HIVEP3: variants seen among roughly 807,000 people sequenced by gnomAD.
The protein encoded by HIVEP3 is HIVEP zinc finger 3.
Under a neutral mutation model 152.8 loss-of-function variants are expected in HIVEP3, and 49 were observed. The observed-to-expected ratio is 0.32, with a 90% CI of 0.26 to 0.41. HIVEP3 has a LOEUF of 0.41. Among genes scored for constraint, HIVEP3 ranks in the 10% least tolerant of loss-of-function variants. The pLI, the probability that HIVEP3 is intolerant of heterozygous loss-of-function variation, is 1.00. For missense variants in HIVEP3, 2,790 were observed against 3,103.3 expected (o/e 0.90, Z 2.40); for synonymous variants, 1,269 against 1,289.0 (o/e 0.98, Z 0.33).
chr1:42,026,014 G>A (rs1320987168), intron 1 of HIVEP3, among the ~76,000 whole-genome samples: 2 of 151,822 alleles, frequency 1.3e-5, no homozygotes, highest in Non-Finnish European at 2.9e-5. Context: ...AAGCTGCAGT[G>A]AGCCGTGATC....
At chr1:41,704,128 C>T (rs1201710056) in intron 1 of HIVEP3, among the ~76,000 whole-genome samples, 1 of 152,194 alleles carries the variant, frequency 6.6e-6, no homozygotes, top group Admixed American at 6.5e-5. Flanking sequence ...GGTGAAGCTT[C>T]CTGCACCTGG....
intron 1 of HIVEP3, among the ~76,000 whole-genome samples, chr1:41,756,245 C>T (rs1647301227): frequency 6.6e-6 from 1 of 152,122 alleles, no homozygotes; most frequent in Non-Finnish European, 1.5e-5. Flanking sequence ...AGATAGAGGA[C>T]AAACCAGTGG....
At position 41,954,964 on chromosome 1, in the gene HIVEP3, G is replaced by GTT. The variant is rs5773755; in HGVS notation, n.120-36442_120-36441dup. On this transcript the variant is annotated intron_variant and non_coding_transcript_variant, in intron 1 of 3. Coordinates refer to the HIVEP3 transcript ENST00000489103. The stretch of plus-strand genomic sequence containing the variant: ...TAGGAACCATTTTCTCAGCTTCCAG[G>GTT]TTTTTTTTTTTTTTCTCTAGTGTTT... Among the ~76,000 whole-genome samples the GTT allele has an allele frequency of 3.9e-3, 557 of 144,672 alleles. 3 individuals are homozygous for GTT. The highest frequency in any genetic ancestry group is 0.018 in the Middle Eastern group (5 of 276). The allele number at this position is 144,672 out of a possible 152,430, so 94.9% of individuals were successfully genotyped here. A position where few individuals can be genotyped will look rare whatever the true frequency, so the allele number is the denominator to read the frequency against.
At chr1:41,654,120 CTA>C (rs1216934360) in intron 2 of HIVEP3, among the ~76,000 whole-genome samples, 2 of 152,124 alleles carry the variant, frequency 1.3e-5, no homozygotes, top group East Asian at 1.9e-4. Context: ...ACAAGTAAAA[CTA>C]TGTTTCTGTC....
chr1:41,717,239 C>T (rs1646608462), intron 1 of HIVEP3, among the ~76,000 whole-genome samples: 2 of 151,040 alleles, frequency 1.3e-5, no homozygotes, highest in Admixed American at 1.3e-4. Context: ...CTTGCATTTT[C>T]CGACGCTCTT....
intron 1 of HIVEP3, among the ~76,000 whole-genome samples, chr1:41,929,324 T>C (rs899735436): frequency 1.3e-5 from 2 of 152,158 alleles, no homozygotes; most frequent in Non-Finnish European, 2.9e-5. Flanking sequence ...TCCTTACTTA[T>C]TTTTTTGACC....
intron 1 of HIVEP3, among the ~76,000 whole-genome samples, chr1:41,909,914 T>C (rs1557511841): frequency 6.6e-6 from 1 of 152,088 alleles, no homozygotes; most frequent in Non-Finnish European, 1.5e-5. Context: ...AACCAAATTA[T>C]ATACAAATAT....
intron 1 of HIVEP3, among the ~76,000 whole-genome samples, chr1:41,838,018 C>A (rs564193966): frequency 3.9e-5 from 6 of 152,302 alleles, no homozygotes; most frequent in African/African-American, 1.4e-4. Context: ...TTCCAGCTCT[C>A]CTTTCAGTCC....
intron 2 of HIVEP3, among the ~76,000 whole-genome samples, chr1:41,637,057 A>G (rs2149154329): frequency 6.6e-6 from 1 of 152,282 alleles, no homozygotes; most frequent in Middle Eastern, 3.4e-3. Flanking sequence ...AGGAGTCGTC[A>G]TCAAATACTT....
At chr1:41,798,634 C>T (rs1021210848) in intron 1 of HIVEP3, among the ~76,000 whole-genome samples, 1 of 151,898 alleles carries the variant, frequency 6.6e-6, no homozygotes, top group African/African-American at 2.4e-5. Flanking sequence ...TTTTTCTCCC[C>T]AATTAAAAAA....
chr1:41,983,258 A>G (rs905734522), intron 1 of HIVEP3, among the ~76,000 whole-genome samples: 1 of 152,226 alleles, frequency 6.6e-6, no homozygotes, highest in African/African-American at 2.4e-5. Flanking sequence ...ATTAATATCT[A>G]CTATAAATTT....
At chr1:41,996,180 G>A (rs1011677235) in intron 1 of HIVEP3, among the ~76,000 whole-genome samples, 1 of 151,844 alleles carries the variant, frequency 6.6e-6, no homozygotes, top group African/African-American at 2.4e-5. Context: ...ATCAATTGAG[G>A]CCAGGAGTTC....
At chr1:41,636,495 CA>C (rs535380597) in intron 2 of HIVEP3, among the ~76,000 whole-genome samples, 80 of 151,958 alleles carry the variant, frequency 5.3e-4, no homozygotes, top group African/African-American at 1.5e-3. Flanking sequence ...TTACATAAAA[CA>C]AAAAACCCCA....
In HIVEP3 at chr1:41,579,734, T is replaced by C. The variant is rs1386860830; in HGVS notation, c.5061+3A>G. ...ATGAGAAGAAAAACAAGGCTGAACT[T>C]ACCTCTGTCATGCGGGGCTTGCGGG... is the stretch of plus-strand genomic sequence containing the variant. On this transcript the variant is annotated splice_donor_region_variant and intron_variant, in intron 4 of 8. Coordinates refer to ENST00000372583, the MANE Select transcript of HIVEP3 (RefSeq NM_024503.5). The C allele has an allele frequency of 6.4e-6, 10 of 1,557,348 alleles. No homozygotes were observed. Among genetic ancestry groups the C allele is most frequent in the South Asian group, 4.8e-5 (4 of 83,372 alleles).
chr1:41,876,923 T>C (rs1644179476), intron 1 of HIVEP3, among the ~76,000 whole-genome samples: 1 of 152,180 alleles, frequency 6.6e-6, no homozygotes, highest in Non-Finnish European at 1.5e-5. Flanking sequence ...ACTCAGCACG[T>C]TCTACAGACG....
At chr1:41,705,114 T>C (rs1293139722) in intron 1 of HIVEP3, among the ~76,000 whole-genome samples, 1 of 152,244 alleles carries the variant, frequency 6.6e-6, no homozygotes, top group Non-Finnish European at 1.5e-5. Context: ...GTTGACCTTT[T>C]TATGCCCTTT....
chr1:41,725,384 A>G (rs1646737675), intron 1 of HIVEP3, among the ~76,000 whole-genome samples: 1 of 152,208 alleles, frequency 6.6e-6, no homozygotes, highest in Admixed American at 6.5e-5. Flanking sequence ...AAGAGAACAG[A>G]CATCTCTTTT....
intron 1 of HIVEP3, among the ~76,000 whole-genome samples, chr1:41,946,881 C>T (rs1353668025): frequency 6.6e-6 from 1 of 152,128 alleles, no homozygotes; most frequent in African/African-American, 2.4e-5. Context: ...TGCAATACTC[C>T]AATTTTAGGA....
chr1:41,569,233 T>C (rs1216363874), intron 5 of HIVEP3, among the ~76,000 whole-genome samples: 1 of 152,232 alleles, frequency 6.6e-6, no homozygotes, highest in East Asian at 1.9e-4. Flanking sequence ...AACTGACTAC[T>C]ATACCCATCT....
Sources: allele counts gnomAD v4.1 joint callset (sites outside exome capture counted in the v4.1 genomes callset), GRCh38; gene constraint gnomAD v4.1.1; transcripts MANE v1.5; gene names NCBI Gene and HGNC (gene_info 2026-07-23, HGNC 2026-07-21).